The following SAMD12 variants were observed in gnomAD, a reference collection of about 807,000 sequenced individuals.
SAMD12 encodes sterile alpha motif domain-containing protein 12.
SAMD12 carries 9 observed loss-of-function variants against 15.0 expected under a neutral mutation model. The observed-to-expected ratio is 0.60, with a 90% CI of 0.36 to 1.05. SAMD12 has a LOEUF of 1.05. Ranked by LOEUF, SAMD12 falls within the 50% of genes least tolerant of loss-of-function variation. The pLI is 0.01. For missense variants in SAMD12, 230 were observed against 234.2 expected, an observed-to-expected ratio of 0.98 and a Z score of 0.12; for synonymous variants, 86 against 90.1, an observed-to-expected ratio of 0.96 and a Z score of 0.25.
At chr8:118,191,198 TG>T (rs1166963459) in exon 5 of SAMD12, 2 of 152,154 alleles carry the variant, frequency 1.3e-5, no homozygotes, top group Non-Finnish European at 2.9e-5. Context: ...GTCAAGAGCC[TG>T]GTATTATTCA....
the SAMD12 span, among the ~76,000 whole-genome samples, chr8:118,178,395 T>C: frequency 6.6e-6 from 1 of 152,308 alleles, no homozygotes; most frequent in African/African-American, 2.4e-5. Flanking sequence ...TTGGCTCTTT[T>C]GGACAAAGTA....
intron 4 of SAMD12, among the ~76,000 whole-genome samples, chr8:118,292,019 C>A (rs192994253): frequency 6.6e-6 from 1 of 150,924 alleles, no homozygotes; most frequent in African/African-American, 2.4e-5. Context: ...TGCTACAAGG[C>A]GATGCTTTAG....
intron 2 of SAMD12, among the ~76,000 whole-genome samples, chr8:118,470,917 A>C (rs763698587): frequency 2.0e-5 from 3 of 152,208 alleles, no homozygotes; most frequent in Non-Finnish European, 4.4e-5. Flanking sequence ...ACTTGGATTA[A>C]TTTTATGTAC....
chr8:118,401,544 T>C (rs186373691), intron 3 of SAMD12, among the ~76,000 whole-genome samples: 29 of 150,014 alleles, frequency 1.9e-4, no homozygotes, highest in Admixed American at 1.0e-3. Context: ...TCTTCTTCTT[T>C]TTTTTTTTTT....
chr8:118,461,977 T>C (rs1823436642), intron 2 of SAMD12, among the ~76,000 whole-genome samples: 1 of 152,236 alleles, frequency 6.6e-6, no homozygotes, highest in Non-Finnish European at 1.5e-5. Flanking sequence ...ATTGCTATGG[T>C]ATTTTCAAAA....
intron 2 of SAMD12, among the ~76,000 whole-genome samples, chr8:118,528,031 A>G (rs1420135035): frequency 1.0e-5 from 1 of 96,372 alleles, no homozygotes; most frequent in African/African-American, 3.4e-5. Context: ...ATATATATAT[A>G]TATTTTTTTT....
the SAMD12 span, among the ~76,000 whole-genome samples, chr8:118,145,061 T>C: frequency 6.6e-6 from 1 of 152,260 alleles, no homozygotes; most frequent in African/African-American, 2.4e-5. Flanking sequence ...TGAAAGGCTT[T>C]TAATGCTTTT....
chr8:118,307,814 C>T (rs985855303), intron 4 of SAMD12, among the ~76,000 whole-genome samples: 1 of 152,188 alleles, frequency 6.6e-6, no homozygotes, highest in Non-Finnish European at 1.5e-5. Context: ...GAGGGATGCT[C>T]TGCCTCTGGC....
At chr8:118,389,721 G>GA (rs968558381) in intron 3 of SAMD12, among the ~76,000 whole-genome samples, 28 of 135,970 alleles carry the variant, frequency 2.1e-4, no homozygotes, top group Admixed American at 5.1e-4. Flanking sequence ...TTTCAAAAAA[G>GA]AAAAAAAAAA....
chr8:118,369,300 A>T (rs915142993), intron 4 of SAMD12, among the ~76,000 whole-genome samples: 10 of 152,206 alleles, frequency 6.6e-5, no homozygotes, highest in Admixed American at 1.3e-4. Flanking sequence ...AAAAACAAGC[A>T]ATGGGGAAAG....
At chr8:118,460,018 A>G (rs1823369509) in intron 2 of SAMD12, among the ~76,000 whole-genome samples, 1 of 152,212 alleles carries the variant, frequency 6.6e-6, no homozygotes. Flanking sequence ...GTCTATTTTA[A>G]AATGAGGTGG....
chr8:118,276,268 T>C, intron 4 of SAMD12, among the ~76,000 whole-genome samples: 1 of 152,256 alleles, frequency 6.6e-6, no homozygotes, highest in East Asian at 1.9e-4. Flanking sequence ...GTAATTTTGT[T>C]AATTTGTCTT....
intron 2 of SAMD12, among the ~76,000 whole-genome samples, chr8:118,530,562 G>T (rs201519727): frequency 6.6e-6 from 1 of 152,004 alleles, no homozygotes; most frequent in East Asian, 1.9e-4. Flanking sequence ...GTTTTTTCTT[G>T]TTGAGTTGTT....
At chr8:118,325,378 G>A (rs7832024) in intron 4 of SAMD12, among the ~76,000 whole-genome samples, 35,172 of 152,084 alleles carry the variant, frequency 0.23, 4,318 homozygotes, top group African/African-American at 0.29. Flanking sequence ...CGAGGGGAGA[G>A]AGTGAGAAGG....
intron 4 of SAMD12, among the ~76,000 whole-genome samples, chr8:118,264,927 C>T (rs1813163343): frequency 6.6e-6 from 1 of 152,140 alleles, no homozygotes; most frequent in Admixed American, 6.5e-5. Context: ...ACTGCGAGTT[C>T]TCTTATCCTG....
At chr8:118,369,045 C>T (rs1213537827) in intron 4 of SAMD12, among the ~76,000 whole-genome samples, 1 of 152,220 alleles carries the variant, frequency 6.6e-6, no homozygotes, top group African/African-American at 2.4e-5. Context: ...TGATGGCATA[C>T]ATCATTCTAT....
At chr8:118,167,927 T>C in the SAMD12 span, among the ~76,000 whole-genome samples, 1 of 152,156 alleles carries the variant, frequency 6.6e-6, no homozygotes, top group African/African-American at 2.4e-5. Flanking sequence ...TGTGACATGA[T>C]TTGGCTGTGC....
chr8:118,279,061 A>ATAATTAT (rs1813542051), intron 4 of SAMD12, among the ~76,000 whole-genome samples: 6 of 152,210 alleles, frequency 3.9e-5, no homozygotes, highest in Admixed American at 3.9e-4. Context: ...CATTCAGGAA[A>ATAATTAT]AAAATTACAC....
At position 118,600,547 on chromosome 8, in the gene SAMD12, C is replaced by T. The variant is rs146099271; in HGVS notation, c.14-19654G>A. Among the ~76,000 whole-genome samples the T allele has an allele frequency of 6.8e-4, 104 of 152,306 alleles. No individual in the cohort carries two copies. In the East Asian group the frequency reaches 0.02, roughly 29 times the overall value. ...AGCAGTGCAGACAAGATCATAATTT[C>T]TAATTCTGGCATCACTAGTGACTCT... On this transcript the variant is annotated intron_variant, in intron 1 of 3. Coordinates refer to ENST00000314727, the MANE Select transcript of SAMD12 (RefSeq NM_207506.3).
Sources: gnomAD v4.1 joint callset for allele counts (sites outside exome capture counted in the v4.1 genomes callset) on GRCh38, gnomAD v4.1.1 for gene constraint, MANE v1.5 for transcripts, NCBI Gene and HGNC (gene_info 2026-07-23, HGNC 2026-07-21) for gene names.